Variants in RUNX1T1 observed in about 807,000 individuals in gnomAD.
RUNX1T1 encodes the protein protein CBFA2T1.
In RUNX1T1, 4 loss-of-function variants were observed where a neutral mutation model predicts 62.8. The observed-to-expected ratio is 0.06, with a 90% CI of 0.03 to 0.15. The LOEUF (loss-of-function observed/expected upper bound fraction) is 0.15, where lower values mean the gene tolerates loss of function less well. Ranked by LOEUF, RUNX1T1 falls within the 10% of genes least tolerant of loss-of-function variation. The pLI is 1.00. For synonymous variants in RUNX1T1, 291 were observed against 286.0 expected (o/e 1.02, Z -0.18); for missense variants, 508 against 754.3 (o/e 0.67, Z 3.82).
upstream of RUNX1T1, among the ~76,000 whole-genome samples, chr8:92,101,792 C>G (rs1266853348): frequency 6.6e-6 from 1 of 152,174 alleles, no homozygotes; most frequent in Non-Finnish European, 1.5e-5. Context: ...GCGCCTTGTG[C>G]TGACCTAGCC....
intron 5 of RUNX1T1, among the ~76,000 whole-genome samples, chr8:92,002,930 C>T (rs1820047694): frequency 6.6e-6 from 1 of 152,014 alleles, no homozygotes; most frequent in Admixed American, 6.6e-5. Flanking sequence ...ACTGTAGAGG[C>T]CCATATTTTC....
In RUNX1T1 at chr8:91,986,874, A is replaced by T; in HGVS notation, c.996+13T>A. 1 of 1,515,684 alleles carries T rather than the reference A, an allele frequency of 6.6e-7. No individual in the cohort carries two copies. The highest frequency in any genetic ancestry group is 9.2e-7 in the Non-Finnish European group (1 of 1,091,324). The allele number at this position is 1,515,684 out of a possible 1,614,324, so 93.9% of individuals were successfully genotyped here. A position where few individuals can be genotyped will look rare whatever the true frequency, so the allele number is the denominator to read the frequency against. ...AAACATTTTTTAATCCCAAATGATT[A>T]CTGATGTCTTACATGGTCAAGATGT... is the stretch of plus-strand genomic sequence containing the variant. On this transcript the variant is annotated intron_variant, in intron 7 of 10. Coordinates refer to ENST00000396218, the Ensembl canonical transcript of RUNX1T1.
At chr8:91,992,513 C>T (rs752685375) in intron 5 of RUNX1T1, among the ~76,000 whole-genome samples, 2 of 152,192 alleles carry the variant, frequency 1.3e-5, no homozygotes, top group Non-Finnish European at 2.9e-5. Flanking sequence ...GTGGACTGCA[C>T]AGATACATAA....
chr8:92,062,506 A>G (rs1442484614), intron 1 of RUNX1T1: 4 of 1,603,578 alleles, frequency 2.5e-6, no homozygotes, highest in Non-Finnish European at 3.4e-6. Context: ...AGCTTTCTTC[A>G]TTGGAAAAAC....
chr8:92,058,402 AT>A (rs1160409392), intron 1 of RUNX1T1, among the ~76,000 whole-genome samples: 2 of 152,212 alleles, frequency 1.3e-5, no homozygotes, highest in Non-Finnish European at 2.9e-5. Context: ...CCAAGTGATT[AT>A]TGTCACAGAA....
At chr8:92,100,683 C>T (rs1355428896), upstream of RUNX1T1, among the ~76,000 whole-genome samples, 1 of 151,804 alleles carries the variant, frequency 6.6e-6, no homozygotes, top group Non-Finnish European at 1.5e-5. Context: ...TTCTCTGAAA[C>T]AAACAAAAAA....
At chr8:92,017,747 A>G in intron 1 of RUNX1T1, 2 of 670,824 alleles carry the variant, frequency 3.0e-6, no homozygotes, top group East Asian at 6.3e-5. Flanking sequence ...GAAATAACAA[A>G]AACCTGAAGT....
chr8:92,023,016 A>G (rs910654852), intron 1 of RUNX1T1, among the ~76,000 whole-genome samples: 6 of 152,170 alleles, frequency 3.9e-5, no homozygotes, highest in African/African-American at 1.2e-4. Flanking sequence ...TCCTTGTTGC[A>G]CATTAGTCAG....
intron 5 of RUNX1T1, among the ~76,000 whole-genome samples, chr8:91,994,235 T>C (rs1818250264): frequency 5.9e-5 from 9 of 152,200 alleles, no homozygotes; most frequent in Admixed American, 5.9e-4. Context: ...GATATCAGAC[T>C]AAAATATCCA....
chr8:92,012,173 C>T lies in RUNX1T1; in HGVS notation c.388-1082G>A, dbSNP rs548209951. ...GAAACTATGAATAAACAATAACTTC[C>T]TATGTGTAACAATAAATGTCAAGGA... On this transcript the variant is annotated intron_variant, in intron 3 of 10. Coordinates refer to ENST00000396218, the Ensembl canonical transcript of RUNX1T1. Among the ~76,000 whole-genome samples the T allele has an allele frequency of 5.5e-4, 83 of 152,158 alleles. 1 individual carries two copies. Among genetic ancestry groups the T allele is most frequent in the Admixed American group, 4.6e-4 (7 of 15,276 alleles).
At chr8:91,979,756 T>C (rs1253071088) in intron 8 of RUNX1T1, 2 of 494,778 alleles carry the variant, frequency 4.0e-6, no homozygotes, top group Non-Finnish European at 7.9e-6. Context: ...ATGAAAGAGA[T>C]GGAAGATGCA....
At chr8:92,052,634 A>G (rs1830410250) in intron 1 of RUNX1T1, among the ~76,000 whole-genome samples, 1 of 152,230 alleles carries the variant, frequency 6.6e-6, no homozygotes, top group African/African-American at 2.4e-5. Flanking sequence ...ATAATTTACA[A>G]AAGTGGTTCT....
chr8:92,043,492 A>G (rs1828835391), intron 1 of RUNX1T1, among the ~76,000 whole-genome samples: 1 of 151,984 alleles, frequency 6.6e-6, no homozygotes, highest in Admixed American at 6.5e-5. Flanking sequence ...CATTTCATAA[A>G]ATTTAATATA....
At chr8:91,956,600 A>G, downstream of RUNX1T1, 2 of 221,630 alleles carry the variant, frequency 9.0e-6, no homozygotes, top group East Asian at 6.5e-5. Context: ...CAGTCCAACT[A>G]AGGAAAAAAG....
intron 1 of RUNX1T1, chr8:92,095,478 T>G (rs1837659262): frequency 6.5e-7 from 1 of 1,530,244 alleles, no homozygotes; most frequent in African/African-American, 1.4e-5. Flanking sequence ...TGTGTGTGAG[T>G]GAGTGTGTGA....
intron 3 of RUNX1T1, among the ~76,000 whole-genome samples, chr8:92,011,314 G>A (rs535361234): frequency 6.6e-6 from 1 of 152,272 alleles, no homozygotes; most frequent in Admixed American, 6.5e-5. Context: ...AACACATTAT[G>A]TATAGTACTT....
chr8:92,102,870 G>A, upstream of RUNX1T1: 1 of 1,521,522 alleles, frequency 6.6e-7, no homozygotes, highest in Non-Finnish European at 8.8e-7. This position sits in a 1 kb window ranked among gnomAD's most constrained non-coding sequence, Gnocchi z 4.5. Context: ...GCACAGGGCC[G>A]GAGAGTCCCA....
intron 1 of RUNX1T1, among the ~76,000 whole-genome samples, chr8:92,031,994 G>C (rs1826320894): frequency 6.7e-6 from 1 of 150,214 alleles, no homozygotes; most frequent in Non-Finnish European, 1.5e-5. Context: ...CTGGGAGGCT[G>C]AGGCACGAGA....
intron 6 of RUNX1T1, 126 bp downstream of exon 7, chr8:91,991,513 A>G: frequency 9.4e-7 from 1 of 1,060,962 alleles, no homozygotes; most frequent in African/African-American, 1.6e-5. Context: ...AGGAGACAAT[A>G]TAAAGCAAGA....
Sources: gnomAD v4.1 joint callset for allele counts (sites outside exome capture counted in the v4.1 genomes callset) on GRCh38, gnomAD v4.1.1 for gene constraint, Gnocchi (gnomAD v3.1) non-coding constraint, MANE v1.5 for transcripts, NCBI Gene and HGNC (gene_info 2026-07-23, HGNC 2026-07-21) for gene names.